The following TEC variants were observed in gnomAD, a reference collection of about 807,000 sequenced individuals.
The protein encoded by TEC is tec protein tyrosine kinase, also known as tyrosine-protein kinase Tec.
TEC carries 72 observed loss-of-function variants against 93.0 expected under a neutral mutation model. The ratio of observed to expected loss-of-function variants is 0.77; its 90% CI spans 0.64 to 0.94. The LOEUF is 0.94. Among genes scored for constraint, TEC ranks in the 40% least tolerant of loss-of-function variants. The pLI is 0.00. For missense variants in TEC, 630 were observed against 757.9 expected (o/e 0.83, Z 1.98); for synonymous variants, 249 against 247.7 (o/e 1.01, Z -0.05).
intron 2 of TEC, among the ~76,000 whole-genome samples, chr4:48,191,548 T>C (rs1171431559): frequency 6.6e-6 from 1 of 152,178 alleles, no homozygotes; most frequent in Non-Finnish European, 1.5e-5. Flanking sequence ...CTATAATGCA[T>C]AAAATATCAC....
chr4:48,228,864 C>A (rs1032341965), intron 1 of TEC, among the ~76,000 whole-genome samples: 4 of 152,200 alleles, frequency 2.6e-5, no homozygotes, highest in African/African-American at 9.7e-5. Flanking sequence ...CACATCTCAT[C>A]ATTTCATGAG....
At chr4:48,243,638 G>C (rs1723977048) in intron 1 of TEC, among the ~76,000 whole-genome samples, 1 of 152,140 alleles carries the variant, frequency 6.6e-6, no homozygotes, top group African/African-American at 2.4e-5. Context: ...CCTAGTAAAA[G>C]GGACAGACAC....
chr4:48,262,816 A>G (rs1724532933), intron 1 of TEC, among the ~76,000 whole-genome samples: 1 of 152,192 alleles, frequency 6.6e-6, no homozygotes, highest in Admixed American at 6.5e-5. Context: ...TCATCCTCCA[A>G]AGATAAAGTA....
At chr4:48,264,221 C>A (rs1449891979) in intron 1 of TEC, among the ~76,000 whole-genome samples, 3 of 152,150 alleles carry the variant, frequency 2.0e-5, no homozygotes, top group Non-Finnish European at 2.9e-5. Flanking sequence ...GGCAATTGAA[C>A]CCTCTATAAA....
intron 2 of TEC, among the ~76,000 whole-genome samples, chr4:48,199,455 C>CTT (rs34965891): frequency 0.043 from 2,878 of 67,322 alleles, 280 homozygotes; most frequent in Non-Finnish European, 0.056. Context: ...GATTTTCTTT[C>CTT]TTTTTTTTTT....
intron 2 of TEC, among the ~76,000 whole-genome samples, chr4:48,186,749 C>A (rs1404961861): frequency 6.6e-6 from 1 of 151,660 alleles, no homozygotes; most frequent in Non-Finnish European, 1.5e-5. Flanking sequence ...GTCAGCCGCC[C>A]CGTCCGGGAG....
intron 1 of TEC, among the ~76,000 whole-genome samples, chr4:48,248,006 G>A (rs1724104948): frequency 6.6e-6 from 1 of 152,178 alleles, no homozygotes; most frequent in Non-Finnish European, 1.5e-5. Flanking sequence ...CTTATGCAGG[G>A]GTTGGTTCTC....
At chr4:48,250,545 G>T (rs1440458591) in intron 1 of TEC, among the ~76,000 whole-genome samples, 1 of 152,180 alleles carries the variant, frequency 6.6e-6, no homozygotes, top group African/African-American at 2.4e-5. Flanking sequence ...CTTAAAACGT[G>T]TGCGTTTGTT....
At chr4:48,141,677 TTTTC>T (rs1577692819) in intron 14 of TEC, 2 of 318,556 alleles carry the variant, frequency 6.3e-6, no homozygotes, top group South Asian at 5.2e-5. Flanking sequence ...TTTTTTTTTC[TTTTC>T]TTTCTTTTTT....
At chr4:48,141,590 T>C in intron 14 of TEC, 171 bp from the exon 15 acceptor site, 1 of 555,570 alleles carries the variant, frequency 1.8e-6, no homozygotes, top group African/African-American at 1.9e-5. Flanking sequence ...CCATTGTGTA[T>C]TTGAAAAAAA....
At chr4:48,212,110 A>AAAAAAAAAAAAAAAATATAT in intron 2 of TEC, among the ~76,000 whole-genome samples, 11 of 122,244 alleles carry the variant, frequency 9.0e-5, no homozygotes, top group African/African-American at 2.4e-4. Flanking sequence ...AAAAAAAAAA[A>AAAAAAAAAAAAAAAATATAT]ATATATATAT....
At chr4:48,141,130 A>G (rs1266157870) in intron 15 of TEC, among the ~76,000 whole-genome samples, 4 of 151,730 alleles carry the variant, frequency 2.6e-5, no homozygotes, top group East Asian at 3.8e-4. Context: ...TGTGAAAACA[A>G]AAGATTCTAG....
At chr4:48,261,372 A>G (rs950213519) in intron 1 of TEC, among the ~76,000 whole-genome samples, 2 of 152,224 alleles carry the variant, frequency 1.3e-5, no homozygotes, top group African/African-American at 4.8e-5. Flanking sequence ...CTACAAATCA[A>G]AAATAACCCT....
chr4:48,234,677 G>A (rs1359794934), intron 1 of TEC, among the ~76,000 whole-genome samples: 3 of 152,076 alleles, frequency 2.0e-5, no homozygotes, highest in Admixed American at 1.3e-4. Flanking sequence ...CAACTACACC[G>A]TCATAATCAG....
chr4:48,172,522 AC>A (rs1375295629), intron 3 of TEC, among the ~76,000 whole-genome samples: 1 of 151,476 alleles, frequency 6.6e-6, no homozygotes, highest in Non-Finnish European at 1.5e-5. Flanking sequence ...ACAACCTGGA[AC>A]CCCCTCGGCT....
intron 2 of TEC, among the ~76,000 whole-genome samples, chr4:48,209,681 A>G (rs1482532666): frequency 6.6e-6 from 1 of 152,180 alleles, no homozygotes; most frequent in Admixed American, 6.5e-5. Context: ...TATCATGGGG[A>G]AAAAAACCTA....
chr4:48,228,655 G>A lies in TEC; in HGVS notation c.-41C>T, dbSNP rs778173388. The A allele has an allele frequency of 4.4e-6, 7 of 1,573,788 alleles. No individual in the cohort carries two copies. Among genetic ancestry groups the A allele is most frequent in the Non-Finnish European group, 5.1e-6 (6 of 1,165,982 alleles). On this transcript the variant is annotated 5_prime_UTR_variant, in exon 2 of 18. Transcript: ENST00000381501. ...ACTCCTCCTGCCACTGAAGATCCCA[G>A]TATTCTACAGTGAAAAAAGAAACAG...
chr4:48,237,059 C>T lies in TEC; in HGVS notation c.-45-8400G>A, dbSNP rs1232998139. 4.6e-5 allele frequency among the ~76,000 whole-genome samples: 7 copies of T among 152,102 alleles called. No homozygotes were observed. In the East Asian group the frequency reaches 1.3e-3, roughly 29 times the overall value. Reference sequence around the variant, plus strand: ...TTAAAATAAGAAAATAGGCCAGGTGCGGTGACTTACGCCTGTAATCCCACC... The same window carrying T: ...TTAAAATAAGAAAATAGGCCAGGTGTGGTGACTTACGCCTGTAATCCCACC... On this transcript the variant is annotated intron_variant, in intron 1 of 17. Coordinates refer to ENST00000381501, the MANE Select transcript of TEC (RefSeq NM_003215.3).
intron 2 of TEC, among the ~76,000 whole-genome samples, chr4:48,212,439 C>T (rs1321617915): frequency 6.6e-6 from 1 of 152,118 alleles, no homozygotes; most frequent in Non-Finnish European, 1.5e-5. Flanking sequence ...AAAGATAAGA[C>T]ATCTTGGTTC....
Sources: allele counts gnomAD v4.1 joint callset (sites outside exome capture counted in the v4.1 genomes callset), GRCh38; gene constraint gnomAD v4.1.1; transcripts MANE v1.5; gene names NCBI Gene and HGNC (gene_info 2026-07-23, HGNC 2026-07-21).